The following GRAMD2B variants were observed in gnomAD, a reference collection of about 807,000 sequenced individuals.
GRAMD2B encodes the protein GRAM domain-containing protein 2B.
In GRAMD2B, 41 loss-of-function variants were observed where a neutral mutation model predicts 59.2. The ratio of observed to expected loss-of-function variants is 0.69; its 90% CI spans 0.54 to 0.90. GRAMD2B has a LOEUF of 0.90. Among genes scored for constraint, GRAMD2B ranks in the 40% least tolerant of loss-of-function variants. The probability of loss-of-function intolerance (pLI) is 0.00; values close to 1 mark genes in which losing one functional copy is unlikely to be tolerated. For missense variants in GRAMD2B, 424 were observed against 500.5 expected (o/e 0.85, Z 1.46); for synonymous variants, 161 against 182.7 (o/e 0.88, Z 0.96).
intron 2 of GRAMD2B, among the ~76,000 whole-genome samples, 188 bp from the exon 3 acceptor site, chr5:126,469,489 G>A (rs1035245314): frequency 6.6e-6 from 1 of 152,130 alleles, no homozygotes; most frequent in Non-Finnish European, 1.5e-5. Flanking sequence ...AAAAAAATGA[G>A]CTGGGCATGG....
intron 1 of GRAMD2B, among the ~76,000 whole-genome samples, chr5:126,411,495 A>C (rs1022734160): frequency 2.0e-5 from 3 of 151,904 alleles, no homozygotes; most frequent in Non-Finnish European, 2.9e-5. Flanking sequence ...ATGCTGTTTC[A>C]GTTACTGTAG....
chr5:126,441,396 C>T (rs934179808), intron 1 of GRAMD2B, among the ~76,000 whole-genome samples: 2 of 152,176 alleles, frequency 1.3e-5, no homozygotes, highest in Non-Finnish European at 2.9e-5. Context: ...TCCTCATTGG[C>T]GCTGCAGAGG....
chr5:126,493,338 G>A lies in GRAMD2B; in HGVS notation c.*382G>A, dbSNP rs1175959265. 1 of 199,426 alleles carries A rather than the reference G, an allele frequency of 5.0e-6. No individual in the cohort carries two copies. Among genetic ancestry groups the A allele is most frequent in the Non-Finnish European group, 1.0e-5 (1 of 96,614 alleles). 12.4% of individuals were successfully genotyped at this position (199,426 alleles called of 1,614,324 possible). The stretch of plus-strand genomic sequence containing the variant: ...GCCTCTCCCTTACACCCCTCTTAAC[G>A]ACTTTCAAACTAAAGGATACATCAT... On this transcript the variant is annotated 3_prime_UTR_variant, in exon 14 of 14. Transcript: ENST00000285689.
upstream of GRAMD2B, among the ~76,000 whole-genome samples, chr5:126,419,963 G>A (rs531259108): frequency 2.7e-5 from 4 of 149,234 alleles, no homozygotes; most frequent in Admixed American, 1.4e-4. Flanking sequence ...GCTGAGGCAG[G>A]AGAATTGCTT....
At chr5:126,390,051 G>C (rs1242235898) in intron 1 of GRAMD2B, among the ~76,000 whole-genome samples, 1 of 152,162 alleles carries the variant, frequency 6.6e-6, no homozygotes, top group African/African-American at 2.4e-5. Flanking sequence ...AAAATTTTAG[G>C]TTGAGTTGTT....
At chr5:126,450,674 A>G (rs896208250) in intron 1 of GRAMD2B, among the ~76,000 whole-genome samples, 1 of 148,010 alleles carries the variant, frequency 6.8e-6, no homozygotes, top group Non-Finnish European at 1.5e-5. Context: ...AAAAAAAAAA[A>G]AAAATGTTGC....
intron 1 of GRAMD2B, among the ~76,000 whole-genome samples, chr5:126,442,503 G>A (rs1227315418): frequency 6.6e-6 from 1 of 152,022 alleles, no homozygotes; most frequent in African/African-American, 2.4e-5. Context: ...TGTTGGCCAG[G>A]CTAGTCTCAA....
chr5:126,382,314 C>T (rs1049751734), intron 1 of GRAMD2B, among the ~76,000 whole-genome samples: 66 of 152,292 alleles, frequency 4.3e-4, no homozygotes, highest in African/African-American at 1.5e-3. Context: ...TCTTCTTCCT[C>T]GGGAACACAG....
At chr5:126,422,422 C>A (rs532813740), upstream of GRAMD2B, among the ~76,000 whole-genome samples, 1 of 152,338 alleles carries the variant, frequency 6.6e-6, no homozygotes, top group East Asian at 1.9e-4. Flanking sequence ...TAGTCTCGAA[C>A]TCCTGACCTC....
At position 126,465,412 on chromosome 5, in the gene GRAMD2B, C is replaced by CTA. The variant is rs767943674; in HGVS notation, c.84-14_84-13insTA. 3 of 1,613,998 alleles carry CTA rather than the reference C, an allele frequency of 1.9e-6. No individual in the cohort carries two copies. The highest frequency in any genetic ancestry group is 1.7e-6 in the Non-Finnish European group (2 of 1,179,990). On this transcript the variant is annotated splice_polypyrimidine_tract_variant and intron_variant, in intron 1 of 13. Coordinates refer to ENST00000285689, the MANE Select transcript of GRAMD2B (RefSeq NM_023927.4). ...CTGAATGTCTAAAGTGAAGCGGTTT[C>CTA]CTTTCTTCTTCAGCTCAGAGGCTGA...
chr5:126,492,611 C>G (rs987211717), intron 13 of GRAMD2B, among the ~76,000 whole-genome samples: 1 of 151,738 alleles, frequency 6.6e-6, no homozygotes, highest in Non-Finnish European at 1.5e-5. Flanking sequence ...GTCCCAGCTA[C>G]TTGGGAGGCT....
At chr5:126,450,689 T>C (rs759965354) in intron 1 of GRAMD2B, among the ~76,000 whole-genome samples, 1,808 of 142,766 alleles carry the variant, frequency 0.013, 26 homozygotes, top group Non-Finnish European at 0.016. Flanking sequence ...TGTTGCTCAC[T>C]CTGTCCCGGC....
At chr5:126,492,025 AC>A (rs745982136) in intron 13 of GRAMD2B, among the ~76,000 whole-genome samples, 33 of 152,016 alleles carry the variant, frequency 2.2e-4, no homozygotes, top group Non-Finnish European at 3.7e-4. Context: ...AAGCCACAGC[AC>A]CCGGCTTCTA....
intron 1 of GRAMD2B, among the ~76,000 whole-genome samples, chr5:126,394,098 C>T (rs753514832): frequency 4.0e-5 from 6 of 151,306 alleles, no homozygotes; most frequent in Non-Finnish European, 7.4e-5. Context: ...CACGGTGAAA[C>T]CCTGTCTCTA....
intron 1 of GRAMD2B, among the ~76,000 whole-genome samples, chr5:126,400,618 T>C (rs1252388059): frequency 6.6e-6 from 1 of 152,178 alleles, no homozygotes; most frequent in Non-Finnish European, 1.5e-5. Context: ...AAGAATGCCC[T>C]TTACTTTTCT....
chr5:126,466,297 A>G (rs1418510739), intron 2 of GRAMD2B: 15 of 1,522,370 alleles, frequency 9.9e-6, no homozygotes, highest in Admixed American at 2.0e-5. Flanking sequence ...TTCCCAGCCC[A>G]TATCTTCTCT....
chr5:126,483,129 A>G (rs768013799), intron 8 of GRAMD2B, among the ~76,000 whole-genome samples: 81 of 152,306 alleles, frequency 5.3e-4, no homozygotes, highest in Admixed American at 9.8e-4. Context: ...ATATGTCTGT[A>G]GTAATCAGGT....
intron 2 of GRAMD2B, chr5:126,467,620 A>G (rs528932186): frequency 6.6e-6 from 1 of 152,332 alleles, no homozygotes; most frequent in African/African-American, 2.4e-5. Flanking sequence ...AGTAGAGGTG[A>G]TGAATTCAAA....
intron 1 of GRAMD2B, among the ~76,000 whole-genome samples, chr5:126,450,713 G>A (rs1213685169): frequency 1.3e-5 from 2 of 150,176 alleles, no homozygotes; most frequent in African/African-American, 4.9e-5. Context: ...TCTGGCTCTA[G>A]CGTCAGCTCA....
Sources: gnomAD v4.1 joint callset for allele counts (sites outside exome capture counted in the v4.1 genomes callset) on GRCh38, gnomAD v4.1.1 for gene constraint, MANE v1.5 for transcripts, NCBI Gene and HGNC (gene_info 2026-07-23, HGNC 2026-07-21) for gene names.